NCOR2: variants seen among roughly 807,000 people sequenced by gnomAD.
NCOR2 encodes CTG repeat protein 26.
A neutral mutation model predicts 262.9 loss-of-function variants in NCOR2; 81 were observed. The ratio of observed to expected loss-of-function variants is 0.31; its 90% CI spans 0.26 to 0.37. The LOEUF (loss-of-function observed/expected upper bound fraction) is 0.37, where lower values mean the gene tolerates loss of function less well. Among genes scored for constraint, NCOR2 ranks in the 10% least tolerant of loss-of-function variants. The pLI is 1.00. For synonymous variants in NCOR2, 1,659 were observed against 1,559.3 expected (o/e 1.06, Z -1.51); for missense variants, 3,385 against 3,621.4 (o/e 0.93, Z 1.68).
rs796991238 is a variant in NCOR2 at position 124,501,053 on chromosome 12, C to T, written c.-117-5685G>A. Among the ~76,000 whole-genome samples, 31 of 44,994 alleles carry T rather than the reference C, an allele frequency of 6.9e-4. 1 individual carries two copies. In the South Asian group the frequency reaches 0.02, roughly 29 times the overall value. The allele number at this position is 44,994 out of a possible 152,430, so 29.5% of individuals were successfully genotyped here. A position where few individuals can be genotyped will look rare whatever the true frequency, so the allele number is the denominator to read the frequency against. Reference sequence around the variant, plus strand: ...AGAGCGCCCACGGCACGAGCGCGCGCGCACGCGCGCACACACACACACACA... The same window carrying T: ...AGAGCGCCCACGGCACGAGCGCGCGTGCACGCGCGCACACACACACACACA... On this transcript the variant is annotated intron_variant, in intron 1 of 46. Transcript: ENST00000404621.
At position 124,472,948 on chromosome 12, in the gene NCOR2, A is replaced by T. The variant is rs1222409238; in HGVS notation, c.591+4T>A. On this transcript the variant is annotated splice_donor_region_variant and intron_variant, in intron 4 of 46. Coordinates refer to ENST00000405201, the Ensembl canonical transcript of NCOR2. The stretch of plus-strand genomic sequence containing the variant: ...ACACTCCCCCTCCCCCTGCCCATTC[A>T]CACCTGCTTCTTCTTCAGCTTAGAG... The T allele has an allele frequency of 6.2e-7, 1 of 1,613,980 alleles. No homozygotes were observed. Among genetic ancestry groups the T allele is most frequent in the South Asian group, 1.1e-5 (1 of 91,068 alleles).
chr12:124,346,293 T>G (rs1041233968), intron 31 of NCOR2, among the ~76,000 whole-genome samples: 1 of 152,174 alleles, frequency 6.6e-6, no homozygotes, highest in African/African-American at 2.4e-5. Context: ...CCTGTGGCCT[T>G]GGAAGCCTGC....
intron 1 of NCOR2, among the ~76,000 whole-genome samples, chr12:124,520,192 C>G (rs150688620): frequency 3.9e-5 from 6 of 152,274 alleles, no homozygotes; most frequent in African/African-American, 1.4e-4. Context: ...GCCCCAAAGC[C>G]AAAGGTGGGA....
At chr12:124,368,041 C>T (rs890256902) in intron 20 of NCOR2, among the ~76,000 whole-genome samples, 2 of 152,216 alleles carry the variant, frequency 1.3e-5, no homozygotes, top group African/African-American at 4.8e-5. Context: ...CTGGGAGGGG[C>T]CCCACCCTGC....
intron 13 of NCOR2, among the ~76,000 whole-genome samples, chr12:124,417,068 C>CGGAGAGCAGGCCAGACAGTCACTCCAT (rs2042921025): frequency 7.3e-6 from 1 of 136,914 alleles, no homozygotes; most frequent in East Asian, 2.2e-4. Flanking sequence ...ACTCACTCCA[C>CGGAGAGCAGGCCAGACAGTCACTCCAT]GGAGAGCAGG....
chr12:124,496,424 C>A (rs1438118149), upstream of NCOR2, among the ~76,000 whole-genome samples: 1 of 152,124 alleles, frequency 6.6e-6, no homozygotes, highest in African/African-American at 2.4e-5. The surrounding 1 kb of genome is among the most constrained non-coding windows in gnomAD (Gnocchi z 4.4). Flanking sequence ...ATTGCACACA[C>A]CCCCCAGAGC....
chr12:124,422,407 C>T (rs1322684175), intron 12 of NCOR2, 94 bp downstream of exon 14: 3 of 1,470,946 alleles, frequency 2.0e-6, no homozygotes, highest in Non-Finnish European at 2.8e-6. Context: ...CAGGCCAGGG[C>T]CTTGTGGGCA....
In NCOR2 at chr12:124,371,791, G is replaced by A. The variant is rs1211670562; in HGVS notation, c.2807+231C>T. Among the ~76,000 whole-genome samples, 6 of 152,214 alleles carry A rather than the reference G, an allele frequency of 3.9e-5. No homozygotes were observed. The South Asian group carries it at 1.0e-3, about 26-fold the overall frequency. Reference sequence around the variant, plus strand: ...CTGCCCAGGGCTGCCTCCTCTGTCCGGGTCTCAGCTTGGATGTCACCTCCT... The same window carrying A: ...CTGCCCAGGGCTGCCTCCTCTGTCCAGGTCTCAGCTTGGATGTCACCTCCT... On this transcript the variant is annotated intron_variant, in intron 20 of 46. Coordinates refer to ENST00000405201, the Ensembl canonical transcript of NCOR2.
At chr12:124,381,149 T>C (rs2040381918) in intron 17 of NCOR2, among the ~76,000 whole-genome samples, 1 of 152,054 alleles carries the variant, frequency 6.6e-6, no homozygotes, top group Non-Finnish European at 1.5e-5. Flanking sequence ...CCCTGGACCC[T>C]GCCTGCCTCT....
In NCOR2 at chr12:124,378,111, G is replaced by A. The variant is rs2040161432; in HGVS notation, c.2167+126C>T. ...GGCCCGCACCTTCCAGGGAGTCGAG[G>A]CCCCTTCTAAGGAGGACCCAGATGA... On this transcript the variant is annotated intron_variant, in intron 18 of 46. Coordinates refer to ENST00000405201, the Ensembl canonical transcript of NCOR2. The surrounding 1 kb of genome is among the most constrained non-coding windows in gnomAD (Gnocchi z 4.2). The A allele has an allele frequency of 7.3e-6, 11 of 1,500,488 alleles. No individual in the cohort carries two copies. Among genetic ancestry groups the A allele is most frequent in the South Asian group, 4.0e-5 (3 of 74,192 alleles). 92.9% of individuals were successfully genotyped at this position (1,500,488 alleles called of 1,614,324 possible). A position where few individuals can be genotyped will look rare whatever the true frequency, so the allele number is the denominator to read the frequency against.
At chr12:124,379,340 G>A (rs144064928) in intron 17 of NCOR2, among the ~76,000 whole-genome samples, 59 of 152,310 alleles carry the variant, frequency 3.9e-4, no homozygotes, top group East Asian at 1.5e-3. Flanking sequence ...CAAACCACTC[G>A]TCTTGGTAGC....
At chr12:124,385,189 T>G (rs905250383) in intron 17 of NCOR2, among the ~76,000 whole-genome samples, 2 of 152,118 alleles carry the variant, frequency 1.3e-5, no homozygotes. Context: ...GCACCTTCTG[T>G]GCTTGTGGAG....
Position 124,517,652 on chromosome 12 carries a change from A to G in NCOR2, c.-118+17913T>C, listed in dbSNP as rs148396996. Among the ~76,000 whole-genome samples, 289 of 152,302 alleles carry G rather than the reference A, an allele frequency of 1.9e-3. No homozygotes were observed. Among genetic ancestry groups the G allele is most frequent in the African/African-American group, 6.5e-3 (271 of 41,566 alleles). On this transcript the variant is annotated intron_variant, in intron 1 of 46. Transcript: ENST00000404621. This position sits in a 1 kb window ranked among gnomAD's most constrained non-coding sequence, Gnocchi z 7.6. Reference sequence around the variant, plus strand: ...CCCTCCTGAAGTCAACTCCGGGAACAGAAGCCCCCTGAGCCCCCAAGGCTC... The same window carrying G: ...CCCTCCTGAAGTCAACTCCGGGAACGGAAGCCCCCTGAGCCCCCAAGGCTC...
At position 124,389,482 on chromosome 12, in the gene NCOR2, A is replaced by C. The variant is rs1323600970; in HGVS notation, c.1877-3595T>G. On this transcript the variant is annotated intron_variant, in intron 16 of 46. Coordinates refer to ENST00000405201, the Ensembl canonical transcript of NCOR2. This position sits in a 1 kb window ranked among gnomAD's most constrained non-coding sequence, Gnocchi z 4.4. ...GCGGCGTCAGCAGTGGTAAGAACAGATGAGGGTTCCAGAAAAACAGAGCTT... is the reference window on the plus strand; with the variant it reads ...GCGGCGTCAGCAGTGGTAAGAACAGCTGAGGGTTCCAGAAAAACAGAGCTT... 6.6e-6 allele frequency among the ~76,000 whole-genome samples: 1 copy of C among 152,106 alleles called. No individual in the cohort carries two copies. Among genetic ancestry groups the C allele is most frequent in the Non-Finnish European group, 1.5e-5 (1 of 68,014 alleles).
intron 13 of NCOR2, among the ~76,000 whole-genome samples, chr12:124,405,666 C>T (rs1244053): frequency 0.11 from 16,284 of 152,228 alleles, 1,163 homozygotes; most frequent in East Asian, 0.2. Context: ...CCCGGGAGGC[C>T]GAGGGACTGA....
chr12:124,470,401 C>T (rs2046771689), intron 4 of NCOR2, among the ~76,000 whole-genome samples: 1 of 152,194 alleles, frequency 6.6e-6, no homozygotes, highest in Non-Finnish European at 1.5e-5. Context: ...AAAACTTCAA[C>T]ACAAATGTTC....
At position 124,446,068 on chromosome 12, in the gene NCOR2, A is replaced by C. The variant is rs2045148899; in HGVS notation, c.815+3747T>G. 3.9e-5 allele frequency among the ~76,000 whole-genome samples: 6 copies of C among 152,220 alleles called. No individual in the cohort carries two copies. In the South Asian group the frequency reaches 1.2e-3, roughly 31 times the overall value. ...GGGGCCTCCCTTCCCATGTCCCAGC[A>C]CTGGACACGAGACAGTTTCTGCAGT... On this transcript the variant is annotated intron_variant, in intron 7 of 46. Transcript: ENST00000405201.
chr12:124,413,164 C>T (rs965431487), intron 13 of NCOR2, among the ~76,000 whole-genome samples: 1 of 151,982 alleles, frequency 6.6e-6, no homozygotes, highest in Admixed American at 6.5e-5. Context: ...GGTCCTGGGC[C>T]ATGCACCCCC....
intron 8 of NCOR2, among the ~76,000 whole-genome samples, chr12:124,433,403 G>A (rs571074182): frequency 6.6e-6 from 1 of 152,394 alleles, no homozygotes; most frequent in South Asian, 2.1e-4. Context: ...GTGGTGACTG[G>A]TGCAGACCAG....
Sources: gnomAD v4.1 joint callset for allele counts (sites outside exome capture counted in the v4.1 genomes callset) on GRCh38, gnomAD v4.1.1 for gene constraint, Gnocchi (gnomAD v3.1) non-coding constraint, MANE v1.5 for transcripts, NCBI Gene and HGNC (gene_info 2026-07-23, HGNC 2026-07-21) for gene names.